Variants in SYT16 observed in about 807,000 individuals in gnomAD.
SYT16 encodes the protein synaptotagmin-16.
A neutral mutation model predicts 61.4 loss-of-function variants in SYT16; 42 were observed. The observed-to-expected ratio is 0.68, with a 90% CI of 0.53 to 0.89. The LOEUF (loss-of-function observed/expected upper bound fraction) is 0.89. SYT16 is among the 40% of genes least tolerant of loss of function. The pLI is 0.00. For synonymous variants in SYT16, 314 were observed against 302.3 expected (o/e 1.04, Z -0.40); for missense variants, 804 against 807.3 (o/e 1.00, Z 0.05).
chr14:62,083,694 CA>C (rs1244814427), intron 6 of SYT16, among the ~76,000 whole-genome samples: 4 of 152,100 alleles, frequency 2.6e-5, no homozygotes, highest in Non-Finnish European at 5.9e-5. Context: ...AACTAGGAGC[CA>C]AATGTTCTAT....
chr14:62,013,139 T>C (rs960516687), intron 3 of SYT16, among the ~76,000 whole-genome samples: 7 of 152,230 alleles, frequency 4.6e-5, no homozygotes, highest in Non-Finnish European at 1.0e-4. Context: ...TGAAATGTTA[T>C]GAGGTATATC....
intron 1 of SYT16, chr14:61,864,981 C>T (rs2047095722): frequency 2.2e-6 from 3 of 1,382,716 alleles, no homozygotes; most frequent in Admixed American, 1.7e-5. Context: ...AGTCTGGGCC[C>T]CTCTTACAGT....
chr14:61,873,255 C>T (rs964838399), intron 1 of SYT16, among the ~76,000 whole-genome samples: 3 of 152,112 alleles, frequency 2.0e-5, no homozygotes, highest in Admixed American at 6.5e-5. Context: ...ATTCTTTCCC[C>T]GAAAGAGTTA....
In SYT16 at chr14:62,103,787, T is replaced by G. The variant is rs1040503660; in HGVS notation, c.*3080T>G. The G allele has an allele frequency of 3.9e-5, 6 of 152,198 alleles. No homozygotes were observed. Among genetic ancestry groups the G allele is most frequent in the African/African-American group, 1.4e-4 (6 of 41,460 alleles). The allele number at this position is 152,198 out of a possible 1,614,324, so 9.4% of individuals were successfully genotyped here. ...CTTTGGATGTGGCATTCCACCTGCA[T>G]GAAATCAGGAAAAGAATCATCACCA... On this transcript the variant is annotated 3_prime_UTR_variant, in exon 8 of 8. Coordinates refer to ENST00000683842, the MANE Select transcript of SYT16 (RefSeq NM_001367656.1).
intron 1 of SYT16, among the ~76,000 whole-genome samples, chr14:61,813,028 G>A (rs561685734): frequency 6.6e-5 from 10 of 152,256 alleles, no homozygotes; most frequent in Non-Finnish European, 4.4e-5. Flanking sequence ...TGCGCCTGGC[G>A]CCGAGGCGGA....
At chr14:61,931,032 G>A (rs1318341491) in intron 1 of SYT16, among the ~76,000 whole-genome samples, 1 of 152,192 alleles carries the variant, frequency 6.6e-6, no homozygotes, top group African/African-American at 2.4e-5. Context: ...TACTAAGTTT[G>A]TGATAATTTG....
At chr14:61,926,035 A>G (rs916558416) in intron 1 of SYT16, among the ~76,000 whole-genome samples, 1 of 152,190 alleles carries the variant, frequency 6.6e-6, no homozygotes, top group African/African-American at 2.4e-5. Flanking sequence ...ACATGCTGTC[A>G]ATAACAATAT....
intron 5 of SYT16, among the ~76,000 whole-genome samples, chr14:62,076,661 T>C (rs916265145): frequency 6.6e-6 from 1 of 152,168 alleles, no homozygotes; most frequent in Non-Finnish European, 1.5e-5. Context: ...ATTAACTTTA[T>C]ACATTTTGTT....
At chr14:61,879,679 A>G (rs1187407877) in intron 1 of SYT16, among the ~76,000 whole-genome samples, 1 of 151,982 alleles carries the variant, frequency 6.6e-6, no homozygotes, top group Non-Finnish European at 1.5e-5. Context: ...GGCCTACCAC[A>G]TTTTCATTGT....
At chr14:61,824,913 C>G (rs1339051297) in intron 1 of SYT16, among the ~76,000 whole-genome samples, 1 of 152,194 alleles carries the variant, frequency 6.6e-6, no homozygotes. Context: ...CACCATGTGG[C>G]TAATCGAACT....
intron 6 of SYT16, 48 bp downstream of exon 6, chr14:62,081,322 C>A (rs2056700398): frequency 1.9e-6 from 3 of 1,549,614 alleles, no homozygotes; most frequent in African/African-American, 2.7e-5. Context: ...GTTCGAAGAC[C>A]TGGGATTGTC....
At chr14:62,082,028 G>T (rs1370771325) in intron 6 of SYT16, among the ~76,000 whole-genome samples, 2 of 152,186 alleles carry the variant, frequency 1.3e-5, no homozygotes, top group African/African-American at 4.8e-5. Flanking sequence ...GGCCAAGTAG[G>T]CAAGGAGACA....
chr14:61,993,835 GT>G, intron 2 of SYT16, among the ~76,000 whole-genome samples: 1 of 152,154 alleles, frequency 6.6e-6, no homozygotes, highest in Non-Finnish European at 1.5e-5. Flanking sequence ...GCTAGGTGTT[GT>G]TTTTTGCATG....
At chr14:61,876,300 T>G (rs948587729) in intron 1 of SYT16, among the ~76,000 whole-genome samples, 1 of 152,274 alleles carries the variant, frequency 6.6e-6, no homozygotes, top group Non-Finnish European at 1.5e-5. Flanking sequence ...TCTGTGAGAT[T>G]GAACAGCTTC....
chr14:61,984,628 CAGTA>C (rs2052225586), intron 2 of SYT16, among the ~76,000 whole-genome samples: 1 of 152,094 alleles, frequency 6.6e-6, no homozygotes, highest in African/African-American at 2.4e-5. Context: ...TGCTGTTCCT[CAGTA>C]AGTAAGATTC....
intron 1 of SYT16, among the ~76,000 whole-genome samples, chr14:61,903,307 C>T (rs1216770250): frequency 6.6e-6 from 1 of 151,846 alleles, no homozygotes; most frequent in Non-Finnish European, 1.5e-5. Flanking sequence ...CCTGTGTAAC[C>T]CCTGGCTATT....
intron 1 of SYT16, among the ~76,000 whole-genome samples, chr14:61,959,453 A>G (rs2051024856): frequency 6.6e-6 from 1 of 152,000 alleles, no homozygotes; most frequent in Non-Finnish European, 1.5e-5. Flanking sequence ...TTTACATTGA[A>G]CAGTTTATAG....
At chr14:61,987,326 T>C (rs1953544) in intron 2 of SYT16, among the ~76,000 whole-genome samples, 115,183 of 152,082 alleles carry the variant, frequency 0.76, 44,136 homozygotes, top group African/African-American at 0.86. Flanking sequence ...CTTCTGAGTC[T>C]TGTGAATTTT....
chr14:62,080,879 C>T lies in SYT16; in HGVS notation c.1039C>T (p.Pro347Ser). ...GCAGGTGCCATCCGGGGTCTCAGAG[C>T]CCATCTCAAAGTGTGGTGACCTAGA... ...NLQVPSGVSE[P>S]ISKCGDLDVI... Residue 347 changes from proline (P) to serine (S), a missense_variant, in exon 6 of 8, where the codon CCC becomes TCC. Coordinates refer to ENST00000683842, the MANE Select transcript of SYT16 (RefSeq NM_001367656.1). 1.2e-6 allele frequency: 2 copies of T among 1,604,560 alleles called. No homozygotes were observed. Among genetic ancestry groups the T allele is most frequent in the South Asian group, 1.1e-5 (1 of 89,028 alleles).
Sources: allele counts gnomAD v4.1 joint callset (sites outside exome capture counted in the v4.1 genomes callset), GRCh38; gene constraint gnomAD v4.1.1; transcripts MANE v1.5; gene names NCBI Gene and HGNC (gene_info 2026-07-23, HGNC 2026-07-21).